Variants in DST observed in about 807,000 individuals in gnomAD.
DST encodes the protein bullous pemphigoid antigen.
Under a neutral mutation model 875.2 loss-of-function variants are expected in DST, and 253 were observed. The observed-to-expected ratio is 0.29, with a 90% CI of 0.26 to 0.32. The LOEUF is 0.32. DST is among the 10% of genes least tolerant of loss of function. The pLI is 1.00. For missense variants in DST, 8,287 were observed against 9,111.6 expected (o/e 0.91, Z 3.68); for synonymous variants, 3,124 against 3,197.1 (o/e 0.98, Z 0.77).
chr6:56,466,225 G>C, intron 98 of DST, 30 bp from the exon 99 acceptor site: 1 of 1,452,224 alleles, frequency 6.9e-7, no homozygotes, highest in Non-Finnish European at 9.3e-7. Flanking sequence ...AGAACCTCTA[G>C]TTGTCAATAA....
chr6:56,470,026 A>G, intron 96 of DST, 69 bp from the exon 97 acceptor site: 1 of 1,603,582 alleles, frequency 6.2e-7, no homozygotes, highest in South Asian at 1.1e-5. Context: ...TAAAACTTTG[A>G]CACAACAATT....
intron 4 of DST, among the ~76,000 whole-genome samples, chr6:56,825,090 G>T (rs986047910): frequency 2.0e-5 from 3 of 151,992 alleles, no homozygotes; most frequent in Non-Finnish European, 4.4e-5. Context: ...TGAGAAATCG[G>T]ATGGTTGCCG....
intron 37 of DST, among the ~76,000 whole-genome samples, 179 bp downstream of exon 37, chr6:56,614,177 G>T (rs549109552): frequency 6.6e-6 from 1 of 152,248 alleles, no homozygotes; most frequent in South Asian, 2.1e-4. Flanking sequence ...AGCTTCTTCT[G>T]CCACACACTA....
chr6:56,626,082 G>C (rs2098732367), intron 34 of DST, among the ~76,000 whole-genome samples: 1 of 151,680 alleles, frequency 6.6e-6, no homozygotes, highest in African/African-American at 2.4e-5. Context: ...GTTGTTTTAA[G>C]CTAAGTGCTA....
intron 4 of DST, among the ~76,000 whole-genome samples, chr6:56,799,939 TA>T (rs1380417893): frequency 6.6e-6 from 1 of 152,182 alleles, no homozygotes; most frequent in Non-Finnish European, 1.5e-5. Context: ...CAATCTTTTT[TA>T]ATTAAGGTGT....
At chr6:56,676,062 A>G (rs1436875686) in intron 9 of DST, among the ~76,000 whole-genome samples, 1 of 151,956 alleles carries the variant, frequency 6.6e-6, no homozygotes, top group African/African-American at 2.4e-5. Flanking sequence ...GAAAGATAAC[A>G]AGTGGTTTTT....
At chr6:56,463,980 A>G (rs1430170237) in intron 100 of DST, 1 of 664,002 alleles carries the variant, frequency 1.5e-6, no homozygotes, top group East Asian at 2.9e-5. Context: ...TCGGGGAGGA[A>G]AAAATAAAGT....
chr6:56,761,000 A>G (rs2099615862), intron 4 of DST, among the ~76,000 whole-genome samples: 4 of 152,256 alleles, frequency 2.6e-5, no homozygotes, highest in East Asian at 3.8e-4. Context: ...GAATATAACT[A>G]AAGTAACTGT....
intron 9 of DST, chr6:56,692,722 C>T (rs2099239293): frequency 3.9e-6 from 5 of 1,289,480 alleles, no homozygotes; most frequent in Non-Finnish European, 5.1e-6. Context: ...TTCTGAAATC[C>T]TTTCATCCAG....
chr6:56,579,342 G>A (rs994983662), intron 49 of DST, among the ~76,000 whole-genome samples: 4 of 152,052 alleles, frequency 2.6e-5, no homozygotes, highest in African/African-American at 9.7e-5. Context: ...AAATAAGCTC[G>A]CCCAAATCAG....
At chr6:56,538,950 C>G (rs1271607736) in intron 61 of DST, among the ~76,000 whole-genome samples, 2 of 152,030 alleles carry the variant, frequency 1.3e-5, no homozygotes, top group African/African-American at 4.8e-5. Context: ...CATTTCTATA[C>G]CACTTTCTAA....
At chr6:56,804,805 T>A (rs541208663) in intron 4 of DST, among the ~76,000 whole-genome samples, 1 of 152,260 alleles carries the variant, frequency 6.6e-6, no homozygotes, top group South Asian at 2.1e-4. Context: ...AAAAGTAGAA[T>A]CAGCAAGTTT....
chr6:56,563,732 A>G (rs1241582111), intron 55 of DST, among the ~76,000 whole-genome samples: 1 of 152,100 alleles, frequency 6.6e-6, no homozygotes, highest in Non-Finnish European at 1.5e-5. Context: ...TTACGTCTTT[A>G]ATCCATTTTC....
intron 2 of DST, among the ~76,000 whole-genome samples, chr6:56,914,772 A>G (rs9464407): frequency 0.32 from 48,473 of 152,074 alleles, 8,928 homozygotes; most frequent in African/African-American, 0.51. Flanking sequence ...TAGAGGACAG[A>G]AAACTCATCA....
At chr6:56,574,665 C>T (rs574068026) in intron 50 of DST, among the ~76,000 whole-genome samples, 5 of 151,724 alleles carry the variant, frequency 3.3e-5, no homozygotes, top group Non-Finnish European at 7.4e-5. Flanking sequence ...AACCCTTTCT[C>T]GTCCAGTTTT....
chr6:56,699,949 T>C (rs2099287875), intron 8 of DST, among the ~76,000 whole-genome samples: 1 of 152,234 alleles, frequency 6.6e-6, no homozygotes, highest in Admixed American at 6.5e-5. Flanking sequence ...AAAGAGCAAG[T>C]ATTATTGCAT....
chr6:56,514,564 T>G, intron 72 of DST, among the ~76,000 whole-genome samples: 1 of 141,922 alleles, frequency 7.0e-6, no homozygotes, highest in African/African-American at 2.7e-5. Context: ...CCTTCTCTCT[T>G]GGGCACAGGC....
intron 102 of DST, chr6:56,461,108 T>C (rs1581935275): frequency 6.6e-6 from 1 of 152,216 alleles, no homozygotes; most frequent in Non-Finnish European, 1.5e-5. Context: ...AGGAAATGCA[T>C]TGAAACAAAT....
chr6:56,843,185 TC>T lies in DST; in HGVS notation c.625+8211del, dbSNP rs750377610. 5.8e-5 allele frequency: 87 copies of T among 1,511,230 alleles called. No individual in the cohort carries two copies. In the African/African-American group the frequency reaches 1.2e-3, roughly 20 times the overall value. 93.6% of individuals were successfully genotyped at this position (1,511,230 alleles called of 1,614,324 possible). A position where few individuals can be genotyped will look rare whatever the true frequency, so the allele number is the denominator to read the frequency against. On this transcript the variant is annotated intron_variant, in intron 4 of 103. Coordinates refer to ENST00000680361, the MANE Select transcript of DST (RefSeq NM_001374736.1). Reference sequence around the variant, plus strand: ...AAGCGATGACTGACAAATTCCCCTCTCCCCCTCGTAACCCCCGGACAGTATC... The same window carrying T: ...AAGCGATGACTGACAAATTCCCCTCTCCCCTCGTAACCCCCGGACAGTATC...
Sources: gnomAD v4.1 joint callset for allele counts (sites outside exome capture counted in the v4.1 genomes callset) on GRCh38, gnomAD v4.1.1 for gene constraint, MANE v1.5 for transcripts, NCBI Gene and HGNC (gene_info 2026-07-23, HGNC 2026-07-21) for gene names.